Variants in ERAP1 observed in about 807,000 individuals in gnomAD.
The protein encoded by ERAP1 is endoplasmic reticulum aminopeptidase 1.
In ERAP1, 86 loss-of-function variants were observed where a neutral mutation model predicts 103.7. That is an observed-to-expected ratio of 0.83 (90% CI 0.70 to 0.99). The LOEUF (loss-of-function observed/expected upper bound fraction) is 0.99. ERAP1 is among the 50% of genes least tolerant of loss of function. The pLI is 0.00. For missense variants in ERAP1, 1,009 were observed against 1,128.4 expected, an observed-to-expected ratio of 0.89 and a Z score of 1.52; for synonymous variants, 398 against 402.4, an observed-to-expected ratio of 0.99 and a Z score of 0.13.
In ERAP1 at chr5:96,793,804, TGGTGA is replaced by T. The variant is rs1417482901; in HGVS notation, c.1068_1072del (p.His357ValfsTer13). 15 of 1,612,786 alleles carry T rather than the reference TGGTGA, an allele frequency of 9.3e-6. No individual in the cohort carries two copies. The highest frequency in any genetic ancestry group is 1.3e-5 in the Non-Finnish European group (15 of 1,178,952). On this transcript the variant is annotated frameshift_variant and splice_region_variant, in exon 6 of 19. Coordinates refer to ENST00000443439, the MANE Select transcript of ERAP1 (RefSeq NM_001040458.3). LOFTEE classifies it high-confidence loss of function. ...TTAAAAGTGTGAATGAGCTTATACC[TGGTGA>T]GCCAGTTCATGGGCCACAGTCATTG...
upstream of ERAP1, among the ~76,000 whole-genome samples, chr5:96,809,876 TTTTTTG>T (rs1216368158): frequency 6.6e-6 from 1 of 152,172 alleles, no homozygotes; most frequent in African/African-American, 2.4e-5. Flanking sequence ...CTAGTAAAGT[TTTTTTG>T]TTTTTGTTTT....
At chr5:96,806,493 C>T (rs1778605642) in intron 1 of ERAP1, among the ~76,000 whole-genome samples, 1 of 152,206 alleles carries the variant, frequency 6.6e-6, no homozygotes, top group Admixed American at 6.5e-5. Context: ...CTATTATTCT[C>T]ATTCAAGGTG....
At chr5:96,874,150 G>GA in the ERAP1 span, among the ~76,000 whole-genome samples, 15 of 103,472 alleles carry the variant, frequency 1.4e-4, no homozygotes, top group East Asian at 4.8e-3. Context: ...AAGAAAGAAA[G>GA]AAAGAAAGAA....
the ERAP1 span, among the ~76,000 whole-genome samples, chr5:96,900,752 C>T: frequency 6.6e-6 from 1 of 152,194 alleles, no homozygotes; most frequent in Non-Finnish European, 1.5e-5. Flanking sequence ...TCTCAGCTCA[C>T]TGCAACCTCC....
chr5:96,792,249 T>C, intron 7 of ERAP1, 57 bp from the exon 8 acceptor site: 2 of 1,576,420 alleles, frequency 1.3e-6, no homozygotes, highest in Non-Finnish European at 1.7e-6. Context: ...ATAAAAAATG[T>C]CAAAGGTGGG....
chr5:96,929,067 C>T, the ERAP1 span, among the ~76,000 whole-genome samples: 2 of 152,200 alleles, frequency 1.3e-5, no homozygotes, highest in Admixed American at 1.3e-4. Flanking sequence ...AGACAGCCCA[C>T]CACAAGGGAT....
rs1773916200 is a variant in ERAP1, at chr5:96,775,082, T to TA, written c.*1313dup. The TA allele has an allele frequency of 3.0e-6, 3 of 985,522 alleles. No individual in the cohort carries two copies. The highest frequency in any genetic ancestry group is 3.6e-6 in the Non-Finnish European group (3 of 829,918). 61.0% of individuals were successfully genotyped at this position (985,522 alleles called of 1,614,324 possible). ...GCAACAGAGCACACTATGGGTTAGA[T>TA]AAGTCCCTGTGTAGCAAGTTTTCAG... On this transcript the variant is annotated 3_prime_UTR_variant, in exon 19 of 19. Coordinates refer to ENST00000443439, the MANE Select transcript of ERAP1 (RefSeq NM_001040458.3).
rs375796930 is a variant in ERAP1, at chr5:96,787,879, G to T, written c.1679+652C>A. Reference sequence around the variant, plus strand: ...ACAAACATATACATATATATATAGAGAGAGAGAGAGAGCAAGAGAGAGAGG... The same window carrying T: ...ACAAACATATACATATATATATAGATAGAGAGAGAGAGCAAGAGAGAGAGG... On this transcript the variant is annotated intron_variant, in intron 11 of 18. Coordinates refer to ENST00000443439, the MANE Select transcript of ERAP1 (RefSeq NM_001040458.3). 4.4e-3 allele frequency among the ~76,000 whole-genome samples: 668 copies of T among 151,202 alleles called. 3 individuals carry two copies. The highest frequency in any genetic ancestry group is 0.01 in the African/African-American group (429 of 41,156).
chr5:96,812,135 A>G (rs987706785), upstream of ERAP1, among the ~76,000 whole-genome samples: 11 of 152,240 alleles, frequency 7.2e-5, no homozygotes, highest in Non-Finnish European at 1.6e-4. Context: ...TTTGAGAATT[A>G]TATGTTTATG....
the ERAP1 span, chr5:96,899,980 TCCA>T: frequency 2.9e-6 from 3 of 1,021,174 alleles, no homozygotes; most frequent in Admixed American, 5.4e-5. Context: ...TGCCTTTTTT[TCCA>T]TTTTTATGTT....
the ERAP1 span, among the ~76,000 whole-genome samples, chr5:96,836,176 G>GTTTTTTTTTTTTTTTTTTTTTTTGTT: frequency 8.4e-5 from 9 of 106,682 alleles, no homozygotes; most frequent in Non-Finnish European, 1.3e-4. Context: ...CACCTCTTTG[G>GTTTTTTTTTTTTTTTTTTTTTTTGTT]TTTTTTTTTT....
At chr5:96,797,358 A>G in intron 3 of ERAP1, 49 bp from the exon 4 acceptor site, 1 of 1,586,996 alleles carries the variant, frequency 6.3e-7, no homozygotes, top group Non-Finnish European at 8.7e-7. Context: ...TATCCAATAC[A>G]GTGAACATGA....
chr5:96,915,469 A>G, the ERAP1 span, among the ~76,000 whole-genome samples: 1 of 126,200 alleles, frequency 7.9e-6, no homozygotes, highest in Admixed American at 8.5e-5. Context: ...TATTTCCCAA[A>G]GAAGCTGTAT....
the ERAP1 span, among the ~76,000 whole-genome samples, chr5:96,861,327 C>G: frequency 5.9e-5 from 9 of 152,240 alleles, no homozygotes; most frequent in South Asian, 1.9e-3. Flanking sequence ...AGGCAGCCTT[C>G]GACTAACTCT....
At chr5:96,796,652 G>A (rs1376587180) in intron 4 of ERAP1, among the ~76,000 whole-genome samples, 1 of 152,108 alleles carries the variant, frequency 6.6e-6, no homozygotes, top group Non-Finnish European at 1.5e-5. Flanking sequence ...ACTCAGGCCA[G>A]GCCACACTCT....
the ERAP1 span, among the ~76,000 whole-genome samples, chr5:96,915,044 G>A: frequency 3.3e-5 from 5 of 150,802 alleles, no homozygotes; most frequent in African/African-American, 9.8e-5. Flanking sequence ...TTTCATTCTC[G>A]TTGCCCAGGC....
chr5:96,832,495 A>G, the ERAP1 span, among the ~76,000 whole-genome samples: 1 of 152,216 alleles, frequency 6.6e-6, no homozygotes, highest in Non-Finnish European at 1.5e-5. Context: ...AAAAGTTGTA[A>G]AAATATAGAA....
chr5:96,914,753 G>A, the ERAP1 span, among the ~76,000 whole-genome samples: 75,999 of 151,934 alleles, frequency 0.5, 19,199 homozygotes, highest in Admixed American at 0.57. Flanking sequence ...GGCCGTGAAT[G>A]AGAGTTCAAC....
At chr5:96,889,372 T>TACCTGGC in the ERAP1 span, 1 of 1,546,064 alleles carries the variant, frequency 6.5e-7, no homozygotes, top group Non-Finnish European at 8.9e-7. Context: ...CTCTTCCCTC[T>TACCTGGC]TTCTCTTTCT....
Sources: allele counts gnomAD v4.1 joint callset (sites outside exome capture counted in the v4.1 genomes callset), GRCh38; gene constraint gnomAD v4.1.1; transcripts MANE v1.5; gene names NCBI Gene and HGNC (gene_info 2026-07-23, HGNC 2026-07-21).